MMP26: variants seen among roughly 807,000 people sequenced by gnomAD.
MMP26 encodes the protein matrix metallopeptidase 26.
In MMP26, 33 loss-of-function variants were observed where a neutral mutation model predicts 31.0. The observed-to-expected ratio is 1.06, with a 90% CI of 0.81 to 1.42. The LOEUF (loss-of-function observed/expected upper bound fraction) is 1.42, where lower values mean the gene tolerates loss of function less well. Ranked by LOEUF, MMP26 falls within the 40% of genes most tolerant of loss-of-function variation. The pLI is 0.00. For synonymous variants in MMP26, 122 were observed against 114.9 expected (o/e 1.06, Z -0.40); for missense variants, 347 against 316.1 (o/e 1.10, Z -0.74).
chr11:4,754,306 TTAA>T (rs1848481166), intron 1 of MMP26, among the ~76,000 whole-genome samples: 1 of 151,940 alleles, frequency 6.6e-6, no homozygotes, highest in African/African-American at 2.4e-5. Flanking sequence ...TATTTATTTC[TTAA>T]TAAATAGAGC....
chr11:4,890,256 G>A, intron 2 of MMP26: 1 of 153,708 alleles, frequency 6.5e-6, no homozygotes, highest in Non-Finnish European at 1.5e-5. Context: ...AAGCACTGAG[G>A]ACTCCATATC....
Position 4,992,220 on chromosome 11 carries a change from A to G in MMP26, c.764A>G (p.Lys255Arg). ...TTTTTTTCTGTTTCCATAGGAGAAA[A>G]ATGTTCATCTGACATACCTTAATGT... is the stretch of plus-strand genomic sequence containing the variant. ...IQRIQHLYGE[K>R]CSSDIP The change falls in exon 8 of 8, where the codon AAA becomes AGA. Residue 255 changes from lysine (K) to arginine (R), a missense_variant. By Grantham distance (26) the Lys-to-Arg change is conservative. Transcript: ENST00000380390. The G allele has an allele frequency of 6.2e-7, 1 of 1,612,274 alleles. No individual in the cohort carries two copies. The highest frequency in any genetic ancestry group is 8.5e-7 in the Non-Finnish European group (1 of 1,179,248).
At chr11:4,936,770 A>T (rs949672542) in intron 2 of MMP26, among the ~76,000 whole-genome samples, 2 of 152,130 alleles carry the variant, frequency 1.3e-5, no homozygotes, top group East Asian at 3.8e-4. Context: ...AACAATGGAG[A>T]TATGGTCATT....
chr11:4,956,946 A>T (rs1846452352), intron 2 of MMP26, among the ~76,000 whole-genome samples: 1 of 152,190 alleles, frequency 6.6e-6, no homozygotes, highest in African/African-American at 2.4e-5. Flanking sequence ...GAATCTTGAA[A>T]TTTTTTAAAT....
chr11:4,972,327 C>T (rs1263603141), intron 2 of MMP26, among the ~76,000 whole-genome samples: 1 of 152,068 alleles, frequency 6.6e-6, no homozygotes, highest in African/African-American at 2.4e-5. Context: ...GTAGAATTCC[C>T]ATTGAAATGT....
chr11:4,748,698 G>A (rs1307905357), intron 1 of MMP26, among the ~76,000 whole-genome samples: 5 of 138,662 alleles, frequency 3.6e-5, no homozygotes, highest in African/African-American at 1.7e-4. Context: ...AAAAAAATAT[G>A]ATCACGGCAA....
intron 2 of MMP26, among the ~76,000 whole-genome samples, chr11:4,838,650 A>G (rs964693574): frequency 6.6e-6 from 1 of 152,166 alleles, no homozygotes; most frequent in Non-Finnish European, 1.5e-5. Flanking sequence ...AATTAAATCC[A>G]TACTAGTGCA....
chr11:4,782,813 G>A (rs765433075), intron 2 of MMP26, among the ~76,000 whole-genome samples: 7 of 152,220 alleles, frequency 4.6e-5, no homozygotes, highest in African/African-American at 9.7e-5. Flanking sequence ...GCTGAAAGGG[G>A]CCAATGTAGA....
chr11:4,893,153 T>G (rs966745315), intron 2 of MMP26, among the ~76,000 whole-genome samples: 2 of 152,106 alleles, frequency 1.3e-5, no homozygotes, highest in Admixed American at 1.3e-4. Flanking sequence ...TAGTATAATA[T>G]ACATACTACA....
intron 1 of MMP26, among the ~76,000 whole-genome samples, chr11:4,742,655 TA>T (rs1848330417): frequency 6.6e-6 from 1 of 152,138 alleles, no homozygotes; most frequent in South Asian, 2.1e-4. Flanking sequence ...GAATCTTGGG[TA>T]ATATAGTTTG....
intron 2 of MMP26, among the ~76,000 whole-genome samples, chr11:4,929,161 G>A (rs1016979715): frequency 6.6e-6 from 1 of 152,034 alleles, no homozygotes; most frequent in Non-Finnish European, 1.5e-5. Context: ...AATGTGTTTT[G>A]TGTTTATTTT....
intron 1 of MMP26, among the ~76,000 whole-genome samples, chr11:4,732,621 T>G (rs982827219): frequency 6.6e-6 from 1 of 151,352 alleles, no homozygotes; most frequent in African/African-American, 2.4e-5. Flanking sequence ...ACCTCATTGC[T>G]CTCCATCCCT....
intron 2 of MMP26, chr11:4,908,051 G>C (rs540697263): frequency 6.8e-6 from 11 of 1,614,130 alleles, no homozygotes; most frequent in South Asian, 5.5e-5. Flanking sequence ...ACTCAGCATT[G>C]CATCTTTGGC....
rs906543305 is a variant in MMP26, at chr11:4,834,627, C to A, written c.-145+67286C>A. ...TCCTTACTGTGATAGCTCAGTCCTT[C>A]CAGGGAGATCAAATGAATGGAAAAA... On this transcript the variant is annotated intron_variant, in intron 2 of 7. Coordinates refer to ENST00000380390, the MANE Select transcript of MMP26 (RefSeq NM_021801.5). 3.3e-5 allele frequency among the ~76,000 whole-genome samples: 5 copies of A among 152,112 alleles called. No homozygotes were observed. In the East Asian group the frequency reaches 9.6e-4, roughly 29 times the overall value.
At chr11:4,939,860 A>G (rs535041117) in intron 2 of MMP26, among the ~76,000 whole-genome samples, 1 of 152,276 alleles carries the variant, frequency 6.6e-6, no homozygotes, top group South Asian at 2.1e-4. Context: ...TCACTTATGA[A>G]TTTACACATC....
intron 1 of MMP26, among the ~76,000 whole-genome samples, chr11:4,716,650 CTT>C (rs71050424): frequency 9.2e-5 from 6 of 65,006 alleles, no homozygotes; most frequent in African/African-American, 4.1e-4. Flanking sequence ...TCTCTTACCT[CTT>C]TTTTTTTTTT....
intron 2 of MMP26, among the ~76,000 whole-genome samples, chr11:4,838,044 A>G (rs1226697018): frequency 2.0e-5 from 3 of 152,004 alleles, no homozygotes; most frequent in African/African-American, 4.8e-5. Context: ...CTGGCCAGGC[A>G]CGGTGACTCA....
chr11:4,737,517 C>T (rs1848256742), intron 1 of MMP26, among the ~76,000 whole-genome samples: 1 of 152,164 alleles, frequency 6.6e-6, no homozygotes, highest in Non-Finnish European at 1.5e-5. Context: ...GTGGTGCATG[C>T]CTGTAATCCC....
At chr11:4,907,889 C>T (rs752821821) in intron 2 of MMP26, 2 of 1,613,926 alleles carry the variant, frequency 1.2e-6, no homozygotes, top group East Asian at 4.5e-5. Flanking sequence ...AAAGAATCTT[C>T]TTTCTCACTC....
Sources: gnomAD v4.1 joint callset for allele counts (sites outside exome capture counted in the v4.1 genomes callset) on GRCh38, gnomAD v4.1.1 for gene constraint, MANE v1.5 for transcripts, NCBI Gene and HGNC (gene_info 2026-07-23, HGNC 2026-07-21) for gene names.